The following WDR17 variants were observed in gnomAD, a reference collection of about 807,000 sequenced individuals.
WDR17 encodes the protein WD repeat domain 17.
Under a neutral mutation model 161.7 loss-of-function variants are expected in WDR17, and 143 were observed. The ratio of observed to expected loss-of-function variants is 0.88; its 90% confidence interval spans 0.77 to 1.02. WDR17 has a LOEUF of 1.02. Among genes scored for constraint, WDR17 ranks in the 50% least tolerant of loss-of-function variants. The pLI, the probability that WDR17 is intolerant of heterozygous loss-of-function variation, is 0.00. For missense variants in WDR17, 1,469 were observed against 1,520.9 expected (o/e 0.97, Z 0.57); for synonymous variants, 517 against 515.6 (o/e 1.00, Z -0.04).
In WDR17 at chr4:176,077,392, T is replaced by C. The variant is rs536666748; in HGVS notation, c.-7+11313T>C. The stretch of plus-strand genomic sequence containing the variant: ...ATGAGGCAATGACAATGTACATTTA[T>C]ACATACGTCCTGGGAGAAAGCTTCT... On this transcript the variant is annotated intron_variant, in intron 1 of 28. Coordinates refer to ENST00000508596, the MANE Select transcript of WDR17 (RefSeq NM_181265.4). Among the ~76,000 whole-genome samples, 19 of 131,590 alleles carry C rather than the reference T, an allele frequency of 1.4e-4. 1 individual carries two copies. The South Asian group carries it at 5.1e-3, about 35-fold the overall frequency. The allele number at this position is 131,590 out of a possible 152,430, so 86.3% of individuals were successfully genotyped here.
At chr4:176,166,132 G>A (rs1377611093) in intron 22 of WDR17, 1 of 1,064,200 alleles carries the variant, frequency 9.4e-7, no homozygotes, top group Non-Finnish European at 1.3e-6. Flanking sequence ...AGCTTTCCAT[G>A]TGTTGGATAC....
rs139088789 is a variant in WDR17 at position 176,162,152 on chromosome 4, A to G, written c.2828A>G (p.His943Arg). ...CGAGCAGTACTAGCCGCATGTTGCC[A>G]TCTTGCCATAGATAATATTGAGGTA... is the stretch of plus-strand genomic sequence containing the variant. ...DGRAVLAACCHLAIDNIELAM... is the reference protein window; with the variant it reads ...DGRAVLAACCRLAIDNIELAM... The change falls in exon 21 of 29, where the codon CAT (histidine) becomes CGT (arginine). Residue 943 changes from histidine to arginine, a missense_variant. Transcript: ENST00000508596. The G allele has an allele frequency of 1.6e-5, 26 of 1,612,904 alleles. No homozygotes were observed. The African/African-American group carries it at 2.9e-4, about 18-fold the overall frequency.
chr4:176,175,471 T>G (rs932613097), intron 26 of WDR17, among the ~76,000 whole-genome samples: 5 of 152,216 alleles, frequency 3.3e-5, no homozygotes, highest in African/African-American at 4.8e-5. Context: ...AGTCTAGTAG[T>G]TAGCTAAATG....
At chr4:176,147,715 C>T (rs998722762) in intron 12 of WDR17, among the ~76,000 whole-genome samples, 24 of 151,974 alleles carry the variant, frequency 1.6e-4, no homozygotes, top group East Asian at 1.2e-3. Flanking sequence ...TGTAACTAAC[C>T]GGCACATTGT....
At chr4:176,148,501 G>A (rs1279611726) in intron 13 of WDR17, among the ~76,000 whole-genome samples, 166 bp downstream of exon 13, 1 of 152,130 alleles carries the variant, frequency 6.6e-6, no homozygotes, top group Non-Finnish European at 1.5e-5. Flanking sequence ...ATACCAGAAT[G>A]TGCAGAAGAA....
At chr4:176,170,566 C>T (rs1179339116) in intron 23 of WDR17, among the ~76,000 whole-genome samples, 1 of 152,138 alleles carries the variant, frequency 6.6e-6, no homozygotes, top group African/African-American at 2.4e-5. Flanking sequence ...CCACCCGCCT[C>T]AGCCTCCCAA....
chr4:176,151,673 G>C (rs945233679), intron 16 of WDR17, 139 bp from the exon 17 acceptor site: 103 of 734,168 alleles, frequency 1.4e-4, no homozygotes, highest in Admixed American at 1.2e-3. Context: ...ATCACCTCAA[G>C]CATTTATCTT....
At chr4:176,173,911 T>C (rs1468147026) in intron 25 of WDR17, among the ~76,000 whole-genome samples, 6 of 151,094 alleles carry the variant, frequency 4.0e-5, no homozygotes, top group Admixed American at 1.3e-4. Flanking sequence ...TATGTGTATG[T>C]TTATATATGT....
intron 21 of WDR17, among the ~76,000 whole-genome samples, 190 bp downstream of exon 21, chr4:176,162,364 A>G (rs1749161678): frequency 6.6e-6 from 1 of 152,180 alleles, no homozygotes; most frequent in African/African-American, 2.4e-5. Flanking sequence ...GCACACATAG[A>G]CTATGAGCTC....
intron 23 of WDR17, among the ~76,000 whole-genome samples, chr4:176,172,039 T>C (rs1252287895): frequency 1.3e-5 from 2 of 152,190 alleles, no homozygotes; most frequent in Non-Finnish European, 2.9e-5. Context: ...ATATTTTTTC[T>C]AACATAATTA....
At position 176,104,397 on chromosome 4, in the gene WDR17, T is replaced by G. The variant is rs185707498; in HGVS notation, c.-6-7178T>G. On this transcript the variant is annotated intron_variant, in intron 1 of 28. Coordinates refer to ENST00000508596, the MANE Select transcript of WDR17 (RefSeq NM_181265.4). ...AGTATTTGGAAACAATGCTATTGTTTGTTTTCATCATCATTTAAGAGAATA... is the reference window on the plus strand; with the variant it reads ...AGTATTTGGAAACAATGCTATTGTTGGTTTTCATCATCATTTAAGAGAATA... Among the ~76,000 whole-genome samples, 19 of 152,228 alleles carry G rather than the reference T, an allele frequency of 1.2e-4. 1 individual carries two copies. Among genetic ancestry groups the G allele is most frequent in the Admixed American group, 1.2e-3 (19 of 15,286 alleles).
chr4:176,152,170 G>A (rs1028687876), intron 17 of WDR17, among the ~76,000 whole-genome samples: 1 of 151,266 alleles, frequency 6.6e-6, no homozygotes, highest in African/African-American at 2.4e-5. Flanking sequence ...AATTAGACAG[G>A]CATGGTGGTG....
In WDR17 at chr4:176,139,930, TA is replaced by T. The variant is rs1240464645; in HGVS notation, c.1401del (p.Asp468IlefsTer5). On this transcript the variant is annotated frameshift_variant, in exon 10 of 29. Coordinates refer to ENST00000508596, the MANE Select transcript of WDR17 (RefSeq NM_181265.4). LOFTEE classifies it high-confidence loss of function. The part of the protein sequence containing the change: ...NGIFCIAWSH[K>X]DSKRIATCSS... Reference sequence around the variant, plus strand: ...GAATATTCTGCATTGCCTGGAGTCATAAAGATTCTAAAAGAATAGCAACCTG... The same window carrying T: ...GAATATTCTGCATTGCCTGGAGTCATAAGATTCTAAAAGAATAGCAACCTG... The T allele has an allele frequency of 1.2e-5, 20 of 1,611,982 alleles. No homozygotes were observed. The Admixed American group carries it at 3.3e-4, about 27-fold the overall frequency.
chr4:176,076,380 T>TTA (rs1554014423), intron 1 of WDR17, among the ~76,000 whole-genome samples: 2 of 139,350 alleles, frequency 1.4e-5, no homozygotes, highest in Admixed American at 7.2e-5. Flanking sequence ...AGTCTTTTTT[T>TTA]AACCCAGTAA....
At chr4:176,095,458 T>C (rs1322124396) in intron 1 of WDR17, among the ~76,000 whole-genome samples, 2 of 152,138 alleles carry the variant, frequency 1.3e-5, no homozygotes, top group African/African-American at 2.4e-5. Context: ...GGAATCACAG[T>C]AGAGATAAGG....
intron 5 of WDR17, among the ~76,000 whole-genome samples, chr4:176,126,296 G>T (rs1248653625): frequency 6.6e-6 from 1 of 152,062 alleles, no homozygotes; most frequent in Non-Finnish European, 1.5e-5. Flanking sequence ...GGGAATTGAG[G>T]AATAATTAGA....
At chr4:176,177,982 T>C (rs1751696568) in intron 28 of WDR17, among the ~76,000 whole-genome samples, 1 of 42,150 alleles carries the variant, frequency 2.4e-5, no homozygotes, top group Non-Finnish European at 4.1e-5. Flanking sequence ...TGAAACTCCG[T>C]CTCAAAAAAA....
At chr4:176,100,328 A>G (rs1737618644) in intron 1 of WDR17, among the ~76,000 whole-genome samples, 1 of 152,118 alleles carries the variant, frequency 6.6e-6, no homozygotes, top group Admixed American at 6.6e-5. Context: ...TTCTCTGATG[A>G]TCAGTGATGT....
intron 2 of WDR17, among the ~76,000 whole-genome samples, chr4:176,113,194 C>A (rs1202247095): frequency 6.6e-6 from 1 of 151,890 alleles, no homozygotes; most frequent in Admixed American, 6.6e-5. Flanking sequence ...CTTGTCACTC[C>A]CAAATCCCAC....
Sources: allele counts gnomAD v4.1 joint callset (sites outside exome capture counted in the v4.1 genomes callset), GRCh38; gene constraint gnomAD v4.1.1; transcripts MANE v1.5; gene names NCBI Gene and HGNC (gene_info 2026-07-23, HGNC 2026-07-21).